Variants in MAST3 observed in about 807,000 individuals in gnomAD.
MAST3 encodes microtubule-associated serine/threonine-protein kinase 3.
A neutral mutation model predicts 127.0 loss-of-function variants in MAST3; 43 were observed. That is an observed-to-expected ratio of 0.34 (90% confidence interval 0.27 to 0.44). The LOEUF (loss-of-function observed/expected upper bound fraction) is 0.44. Among genes scored for constraint, MAST3 ranks in the 20% least tolerant of loss-of-function variants. The pLI, the probability that MAST3 is intolerant of heterozygous loss-of-function variation, is 1.00. For synonymous variants in MAST3, 785 were observed against 809.2 expected (o/e 0.97, Z 0.51); for missense variants, 1,390 against 1,919.1 (o/e 0.72, Z 5.15).
chr19:18,131,817 G>T, intron 14 of MAST3, 92 bp from the exon 15 acceptor site: 1 of 1,419,472 alleles, frequency 7.0e-7, no homozygotes, highest in Non-Finnish European at 9.6e-7. Flanking sequence ...GAGGTAAAGC[G>T]AGGAGGATGC....
intron 15 of MAST3, among the ~76,000 whole-genome samples, chr19:18,133,472 C>T (rs535918734): frequency 3.4e-4 from 51 of 151,754 alleles, no homozygotes; most frequent in African/African-American, 9.9e-4. Flanking sequence ...CTCCGCCTAC[C>T]GGGTTCAAGC....
chr19:18,109,066 A>AGAG (rs1175536629), intron 2 of MAST3, among the ~76,000 whole-genome samples: 8 of 152,196 alleles, frequency 5.3e-5, no homozygotes, highest in Non-Finnish European at 8.8e-5. Context: ...ATCTGGAAGA[A>AGAG]GAGGAGGAGC....
At chr19:18,127,666 A>C (rs1041751722) in intron 11 of MAST3, among the ~76,000 whole-genome samples, 1 of 152,186 alleles carries the variant, frequency 6.6e-6, no homozygotes, top group African/African-American at 2.4e-5. Context: ...CCTGGGCGAC[A>C]GAGTGAGACT....
At chr19:18,107,429 C>G (rs970111140) in intron 1 of MAST3, among the ~76,000 whole-genome samples, 158 bp from the exon 2 acceptor site, 1 of 151,896 alleles carries the variant, frequency 6.6e-6, no homozygotes, top group East Asian at 1.9e-4. Flanking sequence ...GCACAGATAG[C>G]GCAAAGGCCT....
intron 21 of MAST3, among the ~76,000 whole-genome samples, chr19:18,142,375 G>A (rs625465): frequency 0.83 from 112,434 of 135,998 alleles, 46,723 homozygotes; most frequent in African/African-American, 0.91. Context: ...TTTTTGAGAC[G>A]GAGTCTCGCT....
At chr19:18,135,619 G>C in intron 17 of MAST3, 121 bp from the exon 18 acceptor site, 1 of 727,778 alleles carries the variant, frequency 1.4e-6, no homozygotes, top group African/African-American at 1.8e-5. Context: ...CCACGTTGCA[G>C]GGGCAGAGGA....
chr19:18,100,862 A>T (rs1455383685), intron 1 of MAST3, among the ~76,000 whole-genome samples: 1 of 152,210 alleles, frequency 6.6e-6, no homozygotes. Flanking sequence ...AAGGCCAAAG[A>T]GTCCATTCAC....
At chr19:18,106,806 G>A (rs1337896015) in intron 1 of MAST3, among the ~76,000 whole-genome samples, 1 of 150,706 alleles carries the variant, frequency 6.6e-6, no homozygotes, top group East Asian at 1.9e-4. Context: ...CCCGACCTCA[G>A]GTGATCTGCC....
chr19:18,099,814 A>G (rs894677495), intron 1 of MAST3, among the ~76,000 whole-genome samples: 2 of 152,172 alleles, frequency 1.3e-5, no homozygotes, highest in South Asian at 4.1e-4. Context: ...ACTTGAACCT[A>G]TTTCTTAGCA....
At position 18,145,350 on chromosome 19, in the gene MAST3, G is replaced by A. The variant is rs533515732; in HGVS notation, c.3039+121G>A. 13 of 918,520 alleles carry A rather than the reference G, an allele frequency of 1.4e-5. No homozygotes were observed. Among genetic ancestry groups the A allele is most frequent in the Middle Eastern group, 2.5e-4 (1 of 4,020 alleles). 56.9% of individuals were successfully genotyped at this position (918,520 alleles called of 1,614,324 possible). On this transcript the variant is annotated intron_variant, in intron 24 of 27. Transcript: ENST00000687212. The surrounding 1 kb of genome is among the most constrained non-coding windows in gnomAD (Gnocchi z 5.9). ...TTAGGTAGATAGAGCTGGTGCCACC[G>A]AGTTCATCTCGGTCCCTGTCATTTG...
At chr19:18,123,810 C>A in intron 8 of MAST3, 129 bp from the exon 9 acceptor site, 1 of 1,055,498 alleles carries the variant, frequency 9.5e-7, no homozygotes, top group Non-Finnish European at 1.4e-6. Context: ...TCCTCCTGCA[C>A]CAGCCCTCCC....
chr19:18,110,596 C>A lies in MAST3; in HGVS notation c.72-56C>A. 1 of 914,416 alleles carries A rather than the reference C, an allele frequency of 1.1e-6. No homozygotes were observed. Among genetic ancestry groups the A allele is most frequent in the Non-Finnish European group, 1.3e-6 (1 of 764,862 alleles). 56.6% of individuals were successfully genotyped at this position (914,416 alleles called of 1,614,324 possible). On this transcript the variant is annotated intron_variant, in intron 2 of 27. Transcript: ENST00000687212. This position sits in a 1 kb window ranked among gnomAD's most constrained non-coding sequence, Gnocchi z 4.3. ...CAGCCGCCATCCGGAGATCCGGATT[C>A]GGCCACACGAAGGGGCGGCCGCCAG...
intron 1 of MAST3, among the ~76,000 whole-genome samples, chr19:18,101,538 GTT>G (rs2037619672): frequency 5.3e-5 from 8 of 152,156 alleles, no homozygotes; most frequent in African/African-American, 1.9e-4. Flanking sequence ...ATGGACTGGT[GTT>G]TTCCATGTGC....
intron 19 of MAST3, among the ~76,000 whole-genome samples, chr19:18,137,931 G>C (rs904186497): frequency 6.6e-6 from 1 of 152,166 alleles, no homozygotes; most frequent in Admixed American, 6.6e-5. Context: ...TTGGCCAGGC[G>C]CAGTGGCTCA....
At chr19:18,130,824 G>A (rs548109068) in intron 14 of MAST3, 122 bp downstream of exon 14, 6 of 1,042,266 alleles carry the variant, frequency 5.8e-6, no homozygotes, top group Non-Finnish European at 7.0e-6. Context: ...CCCTGCTTTG[G>A]GGAACCCTCA....
rs1249704125 is a variant in MAST3, at chr19:18,121,914, TGC to T, written c.313_314del (p.Ala105ProfsTer64). 1 of 1,613,998 alleles carries T rather than the reference TGC, an allele frequency of 6.2e-7. No homozygotes were observed. Among genetic ancestry groups the T allele is most frequent in the Non-Finnish European group, 8.5e-7 (1 of 1,179,902 alleles). ...SAASALNFPF[A>X]RRADGRRWSL... ...CTGCCTCTGCCCTAAATTTCCCCTT[TGC>T]CCGGAGGTGAGTGATTGCCGGCTTT... On this transcript the variant is annotated frameshift_variant, in exon 5 of 28. Coordinates refer to ENST00000687212, the MANE Select transcript of MAST3 (RefSeq NM_001393504.1). LOFTEE classifies it high-confidence loss of function.
chr19:18,110,404 G>T lies in MAST3; in HGVS notation c.72-248G>T. The T allele has an allele frequency of 1.0e-6, 1 of 985,502 alleles. No individual in the cohort carries two copies. Among genetic ancestry groups the T allele is most frequent in the Non-Finnish European group, 1.2e-6 (1 of 829,920 alleles). 61.0% of individuals were successfully genotyped at this position (985,502 alleles called of 1,614,324 possible). On this transcript the variant is annotated intron_variant, in intron 2 of 27. Coordinates refer to ENST00000687212, the MANE Select transcript of MAST3 (RefSeq NM_001393504.1). The surrounding 1 kb of genome is among the most constrained non-coding windows in gnomAD (Gnocchi z 4.3). ...CAGGGCGGGGGTATGCGGGGTGCAG[G>T]GAGGACAGGATGACAACTACCCTCC...
chr19:18,143,054 G>C (rs545317172), intron 21 of MAST3, among the ~76,000 whole-genome samples: 3 of 151,122 alleles, frequency 2.0e-5, no homozygotes, highest in Admixed American at 2.0e-4. Context: ...GGAGGTTACA[G>C]TGAGCCAAGA....
rs2040204692 is a variant in MAST3, at chr19:18,123,214, C to T, written c.400-3C>T. 3 of 1,613,442 alleles carry T rather than the reference C, an allele frequency of 1.9e-6. No individual in the cohort carries two copies. The highest frequency in any genetic ancestry group is 2.5e-6 in the Non-Finnish European group (3 of 1,179,876). On this transcript the variant is annotated splice_polypyrimidine_tract_variant and splice_region_variant and intron_variant, in intron 6 of 27. Coordinates refer to ENST00000687212, the MANE Select transcript of MAST3 (RefSeq NM_001393504.1). ...GGCTCTGATCCCCACCACTCTCTAC[C>T]AGTCAAGCTCATCCTCCCGGGAACG...
Sources: allele counts gnomAD v4.1 joint callset (sites outside exome capture counted in the v4.1 genomes callset), GRCh38; gene constraint gnomAD v4.1.1; non-coding constraint Gnocchi (gnomAD v3.1); transcripts MANE v1.5; gene names NCBI Gene and HGNC (gene_info 2026-07-23, HGNC 2026-07-21).